Variants in SLC20A2 observed in about 807,000 individuals in gnomAD.
The protein encoded by SLC20A2 is sodium-dependent phosphate transporter 2.
A neutral mutation model predicts 61.0 loss-of-function variants in SLC20A2; 30 were observed. The ratio of observed to expected loss-of-function variants is 0.49; its 90% CI spans 0.37 to 0.67. The LOEUF is 0.67. Among genes scored for constraint, SLC20A2 ranks in the 30% least tolerant of loss-of-function variants. SLC20A2 has a pLI of 0.00. For missense variants in SLC20A2, 626 were observed against 866.4 expected (o/e 0.72, Z 3.48); for synonymous variants, 351 against 353.3 (o/e 0.99, Z 0.07).
At chr8:42,487,089 T>G (rs1275410102) in intron 1 of SLC20A2, among the ~76,000 whole-genome samples, 4 of 151,880 alleles carry the variant, frequency 2.6e-5, no homozygotes, top group Admixed American at 2.0e-4. Flanking sequence ...GGTCTGGAAC[T>G]CCTGACCTCA....
chr8:42,438,152 C>A (rs1189461562), intron 7 of SLC20A2, among the ~76,000 whole-genome samples: 1 of 146,904 alleles, frequency 6.8e-6, no homozygotes, highest in East Asian at 2.1e-4. Context: ...ATCTTAAGTT[C>A]TCCTAAAAAG....
Position 42,472,322 on chromosome 8 carries a change from A to C in SLC20A2, c.69T>G (p.Ser23=), listed in dbSNP as rs556568855. Residue 23 remains serine (S), a synonymous_variant, in exon 2 of 11, where the codon TCT becomes TCG. Transcript: ENST00000520262. The surrounding 1 kb of genome is among the most constrained non-coding windows in gnomAD (Gnocchi z 4.1). ...AGTTGGCAACATCGTTTGCACCAAC[A>C]GAAAAGGCCAAGATGAAAGCTATGA... ...GFIIAFILAF[S]VGANDVANSF... 1.9e-6 allele frequency: 3 copies of C among 1,614,150 alleles called. No homozygotes were observed. The African/African-American group carries it at 4.0e-5, about 22-fold the overall frequency.
At chr8:42,438,063 CA>C (rs1391262305) in intron 7 of SLC20A2, among the ~76,000 whole-genome samples, 5,996 of 26,464 alleles carry the variant, frequency 0.23, 1,208 homozygotes, top group African/African-American at 0.38. Context: ...AAAAAAAAAC[CA>C]AAAAAAAAAA....
chr8:42,532,900 C>A lies in SLC20A2; in HGVS notation c.-265+8921G>T, dbSNP rs573221478. Among the ~76,000 whole-genome samples the A allele has an allele frequency of 9.2e-5, 14 of 152,242 alleles. No individual in the cohort carries two copies. The South Asian group carries it at 1.0e-3, about 11-fold the overall frequency. On this transcript the variant is annotated intron_variant, in intron 1 of 10. Coordinates refer to the SLC20A2 transcript ENST00000342228. ...AGACGAGGTGGCCCAGAGGAAGGCACACCCAAGTCCACAGAGGACGGAAAG... is the reference window on the plus strand; with the variant it reads ...AGACGAGGTGGCCCAGAGGAAGGCAAACCCAAGTCCACAGAGGACGGAAAG...
intron 5 of SLC20A2, among the ~76,000 whole-genome samples, chr8:42,450,660 A>C (rs1157129870): frequency 6.6e-6 from 1 of 152,016 alleles, no homozygotes; most frequent in Non-Finnish European, 1.5e-5. Flanking sequence ...AGTAGCTGGG[A>C]TTACAGGAAC....
At chr8:42,485,331 G>A (rs1046809922) in intron 1 of SLC20A2, among the ~76,000 whole-genome samples, 2 of 152,104 alleles carry the variant, frequency 1.3e-5, no homozygotes, top group African/African-American at 4.8e-5. Context: ...CCCTGTGCCT[G>A]CATTTTTCCT....
intron 1 of SLC20A2, chr8:42,538,279 TATA>T (rs770060802): frequency 6.7e-6 from 1 of 148,646 alleles, no homozygotes; most frequent in Non-Finnish European, 1.5e-5. Flanking sequence ...ATAGGTATTA[TATA>T]ATATTATATA....
intron 5 of SLC20A2, among the ~76,000 whole-genome samples, chr8:42,458,241 A>T (rs1806365176): frequency 6.6e-6 from 1 of 152,256 alleles, no homozygotes; most frequent in Non-Finnish European, 1.5e-5. Context: ...GAAATGTTTA[A>T]CAGAATGCTA....
intron 1 of SLC20A2, among the ~76,000 whole-genome samples, chr8:42,492,425 CAG>C (rs1165112219): frequency 6.6e-6 from 1 of 152,166 alleles, no homozygotes; most frequent in East Asian, 1.9e-4. Flanking sequence ...AGTAATACTG[CAG>C]AGAGGAATGT....
At chr8:42,505,620 A>G (rs1390439457), upstream of SLC20A2, among the ~76,000 whole-genome samples, 1 of 152,228 alleles carries the variant, frequency 6.6e-6, no homozygotes, top group Non-Finnish European at 1.5e-5. Flanking sequence ...TGAGCTATTT[A>G]TCATCAAATT....
chr8:42,491,480 G>A (rs1809506491), intron 1 of SLC20A2, among the ~76,000 whole-genome samples: 1 of 151,726 alleles, frequency 6.6e-6, no homozygotes, highest in Admixed American at 6.6e-5. Context: ...ACTGCAGCTT[G>A]GGCAACAGAG....
chr8:42,461,412 G>A (rs931418552), intron 4 of SLC20A2, among the ~76,000 whole-genome samples: 5 of 151,668 alleles, frequency 3.3e-5, no homozygotes, highest in Non-Finnish European at 7.4e-5. Flanking sequence ...ACAGCCCCGA[G>A]TCTGTGTTTT....
intron 1 of SLC20A2, chr8:42,484,887 G>C (rs1039879328): frequency 7.4e-6 from 3 of 404,674 alleles, no homozygotes; most frequent in Non-Finnish European, 1.5e-5. Flanking sequence ...TGAGCATCTC[G>C]GCCATGCAGC....
chr8:42,467,098 C>T (rs961000242), intron 2 of SLC20A2, among the ~76,000 whole-genome samples: 4 of 152,138 alleles, frequency 2.6e-5, no homozygotes, highest in Non-Finnish European at 4.4e-5. Context: ...TCACTGGATG[C>T]AGTGAGCCAC....
At chr8:42,497,461 C>G (rs1810010007) in intron 1 of SLC20A2, among the ~76,000 whole-genome samples, 1 of 152,132 alleles carries the variant, frequency 6.6e-6, no homozygotes, top group African/African-American at 2.4e-5. Flanking sequence ...TCACATGTTT[C>G]CAGGCGGTGC....
At chr8:42,518,885 T>C (rs1462509247) in intron 1 of SLC20A2, among the ~76,000 whole-genome samples, 1 of 152,248 alleles carries the variant, frequency 6.6e-6, no homozygotes, top group African/African-American at 2.4e-5. Context: ...ATAAGCACTA[T>C]TCTGCTGTAC....
intron 8 of SLC20A2, among the ~76,000 whole-genome samples, chr8:42,436,357 C>T (rs542905453): frequency 2.0e-5 from 3 of 152,284 alleles, no homozygotes; most frequent in African/African-American, 7.2e-5. Context: ...CCAGGGCCTC[C>T]GTCATCCCTA....
At chr8:42,448,743 G>C (rs919321575) in intron 5 of SLC20A2, among the ~76,000 whole-genome samples, 17 of 152,100 alleles carry the variant, frequency 1.1e-4, no homozygotes, top group African/African-American at 3.9e-4. Flanking sequence ...AGGAAGAAGA[G>C]AGAAGGAATC....
rs577705173 is a variant in SLC20A2, at chr8:42,495,876, A to C, written c.-265+5155T>G. 2.6e-5 allele frequency among the ~76,000 whole-genome samples: 4 copies of C among 152,084 alleles called. No homozygotes were observed. The South Asian group carries it at 6.2e-4, about 24-fold the overall frequency. On this transcript the variant is annotated intron_variant, in intron 1 of 10. Coordinates refer to ENST00000520262, the MANE Select transcript of SLC20A2 (RefSeq NM_001257180.2). ...GCAATTCTCCTGCCTCAGCCTCCCAAGTAGCTGGGATTACAGGCGTGCGCC... is the reference window on the plus strand; with the variant it reads ...GCAATTCTCCTGCCTCAGCCTCCCACGTAGCTGGGATTACAGGCGTGCGCC...
Sources: gnomAD v4.1 joint callset for allele counts (sites outside exome capture counted in the v4.1 genomes callset) on GRCh38, gnomAD v4.1.1 for gene constraint, Gnocchi (gnomAD v3.1) non-coding constraint, MANE v1.5 for transcripts, NCBI Gene and HGNC (gene_info 2026-07-23, HGNC 2026-07-21) for gene names.